The following DTNA variants were observed in gnomAD, a reference collection of about 807,000 sequenced individuals.
The protein encoded by DTNA is dystrobrevin alpha.
A neutral mutation model predicts 100.7 loss-of-function variants in DTNA; 43 were observed. The observed-to-expected ratio is 0.43, with a 90% CI of 0.33 to 0.55. DTNA has a LOEUF of 0.55. Ranked by LOEUF, DTNA falls within the 20% of genes least tolerant of loss-of-function variation. The pLI, the probability that DTNA is intolerant of heterozygous loss-of-function variation, is 0.04. For synonymous variants in DTNA, 349 were observed against 347.9 expected (o/e 1.00, Z -0.04); for missense variants, 798 against 953.9 (o/e 0.84, Z 2.15).
intron 1 of DTNA, chr18:34,494,129 T>A (rs2038901594): frequency 6.6e-6 from 1 of 151,646 alleles, no homozygotes; most frequent in African/African-American, 2.4e-5. Flanking sequence ...CGTCGCGGGT[T>A]GAGTTGTTTT....
intron 10 of DTNA, chr18:34,829,100 A>G (rs1418365071): frequency 6.2e-7 from 1 of 1,614,008 alleles, no homozygotes; most frequent in Non-Finnish European, 8.5e-7. Context: ...TCTACCCTAA[A>G]ATATTCCTAT....
chr18:34,669,071 G>T (rs1316580201), intron 1 of DTNA, among the ~76,000 whole-genome samples: 2 of 152,166 alleles, frequency 1.3e-5, no homozygotes, highest in Non-Finnish European at 2.9e-5. Context: ...AAGTCTCTTT[G>T]TAGGTCTCTA....
Position 34,500,924 on chromosome 18 carries a change from A to G in DTNA, c.-2+7410A>G, listed in dbSNP as rs188020260. Among the ~76,000 whole-genome samples, 36 of 152,288 alleles carry G rather than the reference A, an allele frequency of 2.4e-4. No homozygotes were observed. In the East Asian group the frequency reaches 5.4e-3, roughly 23 times the overall value. ...TCTGAAAACAGAAACAATTTTATTT[A>G]TTTATAATCTATATGCCTTTTGTTT... On this transcript the variant is annotated intron_variant, in intron 1 of 19. Transcript: ENST00000283365.
intron 1 of DTNA, among the ~76,000 whole-genome samples, chr18:34,595,656 T>C (rs1160371869): frequency 6.6e-6 from 1 of 152,240 alleles, no homozygotes; most frequent in Non-Finnish European, 1.5e-5. Context: ...CTAGTTCTCA[T>C]TCATGGTGTC....
At chr18:34,622,623 G>C (rs1363238608) in intron 1 of DTNA, among the ~76,000 whole-genome samples, 1 of 152,214 alleles carries the variant, frequency 6.6e-6, no homozygotes, top group African/African-American at 2.4e-5. Context: ...GCAGCCCAGA[G>C]AGAACCAAAA....
At chr18:34,750,222 T>C (rs1211360784) in intron 1 of DTNA, among the ~76,000 whole-genome samples, 3 of 152,210 alleles carry the variant, frequency 2.0e-5, no homozygotes, top group Admixed American at 2.0e-4. Flanking sequence ...TTGTGGATTT[T>C]AATTGCGAGA....
intron 9 of DTNA, among the ~76,000 whole-genome samples, chr18:34,826,453 A>G (rs1276267867): frequency 6.6e-6 from 1 of 152,134 alleles, no homozygotes; most frequent in Non-Finnish European, 1.5e-5. Flanking sequence ...CTTCAGGTCC[A>G]TTCCATTCAA....
intron 2 of DTNA, among the ~76,000 whole-genome samples, chr18:34,764,410 A>G (rs2093361062): frequency 6.6e-6 from 1 of 152,228 alleles, no homozygotes; most frequent in Non-Finnish European, 1.5e-5. Flanking sequence ...ATTGGAAATA[A>G]TCCTACGTGG....
chr18:34,620,742 C>T (rs2056327973), intron 1 of DTNA, among the ~76,000 whole-genome samples: 1 of 152,200 alleles, frequency 6.6e-6, no homozygotes, highest in African/African-American at 2.4e-5. Flanking sequence ...AACAGCACAA[C>T]GGGGATGCTG....
At position 34,804,572 on chromosome 18, in the gene DTNA, C is replaced by T. The variant is rs572398441; in HGVS notation, c.363-1647C>T. Among the ~76,000 whole-genome samples, 15 of 152,184 alleles carry T rather than the reference C, an allele frequency of 9.9e-5. 1 individual carries two copies. The highest frequency in any genetic ancestry group is 3.4e-4 in the African/African-American group (14 of 41,532). ...TTAAGGAAGAGCAAGAAATCAAAGG[C>T]GACCCCAACTCAGGATTCATTTTCA... On this transcript the variant is annotated intron_variant, in intron 4 of 22. Transcript: ENST00000444659.
intron 7 of DTNA, among the ~76,000 whole-genome samples, chr18:34,816,638 G>T (rs1454100104): frequency 6.6e-6 from 1 of 152,154 alleles, no homozygotes; most frequent in Non-Finnish European, 1.5e-5. Flanking sequence ...GAGCAGTTCA[G>T]TGCCTCCATC....
intron 1 of DTNA, among the ~76,000 whole-genome samples, chr18:34,494,521 A>T (rs925596993): frequency 6.6e-6 from 1 of 152,150 alleles, no homozygotes; most frequent in South Asian, 2.1e-4. Flanking sequence ...AAAAGACCAA[A>T]GCCAAAGAGA....
intron 1 of DTNA, among the ~76,000 whole-genome samples, chr18:34,602,090 C>T (rs537063900): frequency 7.2e-5 from 11 of 152,270 alleles, no homozygotes; most frequent in Non-Finnish European, 1.5e-4. Context: ...ATTAGAAATA[C>T]ATAGTCTCGA....
chr18:34,510,069 TTGTGTGTG>T (rs35805954), intron 1 of DTNA, among the ~76,000 whole-genome samples: 5 of 145,010 alleles, frequency 3.4e-5, no homozygotes, highest in East Asian at 2.0e-4. Context: ...GAGTGTAATT[TTGTGTGTG>T]TGTGTGTGTG....
chr18:34,592,794 C>T (rs554064714), intron 1 of DTNA, among the ~76,000 whole-genome samples: 1 of 152,302 alleles, frequency 6.6e-6, no homozygotes, highest in East Asian at 1.9e-4. Flanking sequence ...TTTCTTACTA[C>T]AGCCATTGCC....
intron 17 of DTNA, chr18:34,867,222 C>T: frequency 8.1e-7 from 1 of 1,231,200 alleles, no homozygotes; most frequent in Non-Finnish European, 1.0e-6. Flanking sequence ...TTGTGTGTAA[C>T]AAAGAATGTT....
At chr18:34,785,730 AAGG>A (rs2094485653) in intron 3 of DTNA, among the ~76,000 whole-genome samples, 1 of 152,220 alleles carries the variant, frequency 6.6e-6, no homozygotes. Flanking sequence ...TGAAATCTAA[AAGG>A]AGAGAAAATA....
intron 1 of DTNA, among the ~76,000 whole-genome samples, chr18:34,634,454 C>T (rs1388746360): frequency 6.6e-6 from 1 of 152,050 alleles, no homozygotes; most frequent in Non-Finnish European, 1.5e-5. Context: ...GTAAGAAAGA[C>T]AGCATGTTTT....
At chr18:34,496,994 C>T (rs2039313212) in intron 1 of DTNA, among the ~76,000 whole-genome samples, 1 of 152,176 alleles carries the variant, frequency 6.6e-6, no homozygotes, top group Non-Finnish European at 1.5e-5. Context: ...GGGAGGTTTA[C>T]AAAACTATCA....
Sources: allele counts gnomAD v4.1 joint callset (sites outside exome capture counted in the v4.1 genomes callset), GRCh38; gene constraint gnomAD v4.1.1; transcripts MANE v1.5; gene names NCBI Gene and HGNC (gene_info 2026-07-23, HGNC 2026-07-21).